ITPR2: variants seen among roughly 807,000 people sequenced by gnomAD.
The protein encoded by ITPR2 is inositol 1,4,5-trisphosphate receptor type 2.
A neutral mutation model predicts 317.1 loss-of-function variants in ITPR2; 207 were observed. The observed-to-expected ratio is 0.65, with a 90% CI of 0.58 to 0.73. ITPR2 has a LOEUF of 0.73. Ranked by LOEUF, ITPR2 falls within the 30% of genes least tolerant of loss-of-function variation. The pLI is 0.00. For missense variants in ITPR2, 2,613 were observed against 3,284.0 expected, an observed-to-expected ratio of 0.80 and a Z score of 4.99; for synonymous variants, 1,156 against 1,149.1, an observed-to-expected ratio of 1.01 and a Z score of -0.12.
In ITPR2 at chr12:26,362,427, G is replaced by C. The variant is rs556951849; in HGVS notation, c.7858-22099C>G. 1.4e-4 allele frequency among the ~76,000 whole-genome samples: 21 copies of C among 152,292 alleles called. No individual in the cohort carries two copies. The South Asian group carries it at 1.4e-3, about 11-fold the overall frequency. On this transcript the variant is annotated intron_variant, in intron 55 of 56. Transcript: ENST00000381340. ...GTCACATGCATCTGAGGGCCACTCA[G>C]ATTTTTCTCTTAGTGCCTAGCCCAC...
intron 37 of ITPR2, among the ~76,000 whole-genome samples, chr12:26,529,457 T>C (rs1035900380): frequency 3.3e-5 from 5 of 152,176 alleles, no homozygotes; most frequent in Non-Finnish European, 1.5e-5. Context: ...CCTTCCTCAG[T>C]CTCTGCCACA....
At chr12:26,466,290 G>T (rs932391721) in intron 45 of ITPR2, among the ~76,000 whole-genome samples, 3 of 152,126 alleles carry the variant, frequency 2.0e-5, no homozygotes, top group African/African-American at 7.2e-5. Context: ...CTATATCCTT[G>T]CATAAACTCC....
chr12:26,683,825 C>G (rs1565690627), intron 11 of ITPR2, among the ~76,000 whole-genome samples: 2 of 152,170 alleles, frequency 1.3e-5, no homozygotes, highest in Non-Finnish European at 2.9e-5. Flanking sequence ...CTTTTATAAT[C>G]TTTTGTTATT....
At chr12:26,581,182 T>C (rs1437166463) in intron 32 of ITPR2, among the ~76,000 whole-genome samples, 1 of 152,214 alleles carries the variant, frequency 6.6e-6, no homozygotes, top group African/African-American at 2.4e-5. Flanking sequence ...TCACTTAATC[T>C]GATATTGTTT....
intron 44 of ITPR2, among the ~76,000 whole-genome samples, chr12:26,476,574 A>AT (rs979641797): frequency 5.3e-5 from 8 of 152,072 alleles, no homozygotes; most frequent in African/African-American, 1.9e-4. Flanking sequence ...GAGTACAAAC[A>AT]TTTTTTTTAC....
chr12:26,362,673 A>G (rs995795448), intron 55 of ITPR2, among the ~76,000 whole-genome samples: 3 of 152,132 alleles, frequency 2.0e-5, no homozygotes, highest in Admixed American at 1.3e-4. Flanking sequence ...CTGCTCAAAC[A>G]CCACCATTTT....
intron 1 of ITPR2, among the ~76,000 whole-genome samples, chr12:26,794,385 AT>A (rs1950393844): frequency 6.6e-6 from 1 of 152,216 alleles, no homozygotes; most frequent in African/African-American, 2.4e-5. Flanking sequence ...GAGAAAATGC[AT>A]CGTTTTCTTA....
At chr12:26,768,140 T>C (rs566644348) in intron 2 of ITPR2, among the ~76,000 whole-genome samples, 4 of 152,212 alleles carry the variant, frequency 2.6e-5, no homozygotes, top group East Asian at 3.9e-4. Flanking sequence ...AGATGACAGG[T>C]TGATGTGTGC....
chr12:26,687,299 T>C (rs1467007214), intron 10 of ITPR2, among the ~76,000 whole-genome samples: 1 of 152,178 alleles, frequency 6.6e-6, no homozygotes, highest in East Asian at 1.9e-4. Context: ...CAAGTCCCAG[T>C]ACCCCATGGA....
intron 2 of ITPR2, among the ~76,000 whole-genome samples, chr12:26,782,803 C>T (rs1358851458): frequency 6.6e-6 from 1 of 152,216 alleles, no homozygotes; most frequent in Non-Finnish European, 1.5e-5. Context: ...GATTTCAAAT[C>T]TGAAATAGTT....
chr12:26,565,192 T>C (rs1408757039), intron 34 of ITPR2, among the ~76,000 whole-genome samples: 1 of 152,206 alleles, frequency 6.6e-6, no homozygotes, highest in African/African-American at 2.4e-5. Context: ...AAATAATTTT[T>C]ACATGTCCAC....
intron 34 of ITPR2, among the ~76,000 whole-genome samples, chr12:26,570,572 T>A (rs1337844880): frequency 6.6e-6 from 1 of 152,218 alleles, no homozygotes. Flanking sequence ...GCTTGTAAAT[T>A]GATGTTTATT....
intron 34 of ITPR2, among the ~76,000 whole-genome samples, chr12:26,573,372 A>G (rs1462828111): frequency 6.6e-6 from 1 of 152,198 alleles, no homozygotes; most frequent in Admixed American, 6.5e-5. Flanking sequence ...ACAAACACTT[A>G]TTAATCTGCT....
intron 32 of ITPR2, among the ~76,000 whole-genome samples, chr12:26,588,431 C>T (rs1240035356): frequency 6.6e-6 from 1 of 152,110 alleles, no homozygotes; most frequent in African/African-American, 2.4e-5. Flanking sequence ...TACTTCTTCA[C>T]TTCCCTGAAA....
chr12:26,733,147 C>T (rs12831384), intron 2 of ITPR2, among the ~76,000 whole-genome samples: 2 of 151,790 alleles, frequency 1.3e-5, no homozygotes, highest in African/African-American at 2.4e-5. Flanking sequence ...AACCCCATCT[C>T]TACTAAAAAT....
intron 1 of ITPR2, among the ~76,000 whole-genome samples, chr12:26,823,989 A>T (rs948572110): frequency 9.9e-5 from 15 of 152,204 alleles, no homozygotes; most frequent in African/African-American, 3.6e-4. Flanking sequence ...TTCTAAATTA[A>T]AAGACTACCA....
At chr12:26,795,411 TAA>T (rs1270493249) in intron 1 of ITPR2, among the ~76,000 whole-genome samples, 3 of 152,230 alleles carry the variant, frequency 2.0e-5, no homozygotes, top group African/African-American at 7.2e-5. Context: ...AAAAGACCGA[TAA>T]GTTTGTCTAC....
chr12:26,417,590 G>A (rs1014452590), intron 50 of ITPR2, among the ~76,000 whole-genome samples: 2 of 152,110 alleles, frequency 1.3e-5, no homozygotes, highest in African/African-American at 2.4e-5. Flanking sequence ...TGTAAGACAT[G>A]CCTTGCTTCC....
At chr12:26,654,336 C>T (rs928910699) in intron 20 of ITPR2, among the ~76,000 whole-genome samples, 1 of 152,166 alleles carries the variant, frequency 6.6e-6, no homozygotes, top group Non-Finnish European at 1.5e-5. Context: ...CCAAGCAAGA[C>T]TCAGAGTGCT....
Sources: gnomAD v4.1 joint callset for allele counts (sites outside exome capture counted in the v4.1 genomes callset) on GRCh38, gnomAD v4.1.1 for gene constraint, MANE v1.5 for transcripts, NCBI Gene and HGNC (gene_info 2026-07-23, HGNC 2026-07-21) for gene names.